TMEM163: variants seen among roughly 807,000 people sequenced by gnomAD.
TMEM163 encodes the protein transmembrane protein 163.
Under a neutral mutation model 29.3 loss-of-function variants are expected in TMEM163, and 17 were observed. The ratio of observed to expected loss-of-function variants is 0.58; its 90% confidence interval spans 0.40 to 0.87. The LOEUF is 0.87. Among genes scored for constraint, TMEM163 ranks in the 40% least tolerant of loss-of-function variants. The pLI is 0.00. For synonymous variants in TMEM163, 157 were observed against 160.6 expected (o/e 0.98, Z 0.17); for missense variants, 303 against 381.5 (o/e 0.79, Z 1.71).
chr2:134,546,799 C>A (rs1340515299), intron 4 of TMEM163, among the ~76,000 whole-genome samples: 1 of 151,984 alleles, frequency 6.6e-6, no homozygotes, highest in Non-Finnish European at 1.5e-5. Context: ...GGCAACAGAG[C>A]AAGGCTCCAT....
intron 2 of TMEM163, among the ~76,000 whole-genome samples, chr2:134,679,613 G>A (rs1684187117): frequency 6.6e-6 from 1 of 152,192 alleles, no homozygotes; most frequent in Admixed American, 6.5e-5. Flanking sequence ...GCATTCAGGA[G>A]CTTCCCAGGA....
chr2:134,475,497 G>C (rs1686893526), intron 5 of TMEM163, among the ~76,000 whole-genome samples: 1 of 152,070 alleles, frequency 6.6e-6, no homozygotes, highest in Middle Eastern at 3.4e-3. Context: ...TGATTAATTA[G>C]ACTTTATCAA....
chr2:134,637,195 C>T (rs1683123273), intron 2 of TMEM163, among the ~76,000 whole-genome samples: 1 of 116,400 alleles, frequency 8.6e-6, no homozygotes, highest in Non-Finnish European at 2.1e-5. Context: ...AATTCCCCAC[C>T]AGGGCCACTG....
intron 5 of TMEM163, among the ~76,000 whole-genome samples, chr2:134,473,042 T>C (rs904879163): frequency 3.3e-5 from 5 of 152,034 alleles, no homozygotes; most frequent in South Asian, 2.1e-4. Flanking sequence ...TGAAATAAAG[T>C]AGAACAACAG....
At chr2:134,619,885 T>C (rs535290165) in intron 2 of TMEM163, among the ~76,000 whole-genome samples, 3 of 152,248 alleles carry the variant, frequency 2.0e-5, no homozygotes, top group South Asian at 4.1e-4. Context: ...TGTATTTCTA[T>C]ATACCAGCAA....
At chr2:134,660,449 C>T (rs537726159) in intron 2 of TMEM163, among the ~76,000 whole-genome samples, 15 of 152,248 alleles carry the variant, frequency 9.9e-5, no homozygotes, top group Middle Eastern at 3.4e-3. Flanking sequence ...CACAAATGGA[C>T]TGGATACAGG....
At chr2:134,628,205 A>C (rs987835571) in intron 2 of TMEM163, among the ~76,000 whole-genome samples, 1 of 152,258 alleles carries the variant, frequency 6.6e-6, no homozygotes, top group African/African-American at 2.4e-5. Context: ...GAAGTTCACA[A>C]GACAAAATGT....
At chr2:134,499,274 T>C (rs17787557) in intron 5 of TMEM163, among the ~76,000 whole-genome samples, 20,227 of 152,280 alleles carry the variant, frequency 0.13, 1,682 homozygotes, top group Middle Eastern at 0.3. Flanking sequence ...TAAAACTATC[T>C]TTTCATGCTA....
chr2:134,674,486 GGCGCGCGCGCGC>G lies in TMEM163; in HGVS notation c.322+38702_322+38713del, dbSNP rs752979552. On this transcript the variant is annotated intron_variant, in intron 2 of 7. Transcript: ENST00000281924. ...AGCCTCCCAAGTAGCTGGGACTACA[GGCGCGCGCGCGC>G]GCGCGCGCGCGCTACCATATCTGGC... Among the ~76,000 whole-genome samples the G allele has an allele frequency of 2.3e-3, 213 of 91,602 alleles. 1 individual carries two copies. The highest frequency in any genetic ancestry group is 9.4e-3 in the African/African-American group (183 of 19,370). 60.1% of individuals were successfully genotyped at this position (91,602 alleles called of 152,430 possible).
At chr2:134,462,143 G>T (rs1199965617) in intron 6 of TMEM163, among the ~76,000 whole-genome samples, 1 of 142,162 alleles carries the variant, frequency 7.0e-6, no homozygotes, top group African/African-American at 3.0e-5. Context: ...GGGGGCGGGG[G>T]GCATTGCCTC....
intron 4 of TMEM163, among the ~76,000 whole-genome samples, chr2:134,511,404 T>G (rs2321985): frequency 6.6e-6 from 1 of 152,046 alleles, no homozygotes; most frequent in African/African-American, 2.4e-5. Context: ...GTTTTTCCAC[T>G]AAGGATGGCA....
At chr2:134,629,634 C>A (rs1168816622) in intron 2 of TMEM163, among the ~76,000 whole-genome samples, 1 of 152,194 alleles carries the variant, frequency 6.6e-6, no homozygotes, top group African/African-American at 2.4e-5. Context: ...ACTTCCCCCT[C>A]TCCAATCTCT....
intron 4 of TMEM163, among the ~76,000 whole-genome samples, chr2:134,520,925 A>G (rs1680176430): frequency 6.6e-6 from 1 of 151,914 alleles, no homozygotes; most frequent in South Asian, 2.1e-4. Context: ...ATAGTCTTGC[A>G]TTAGGGTCTG....
chr2:134,664,221 G>A (rs765229647), intron 2 of TMEM163, among the ~76,000 whole-genome samples: 2 of 152,214 alleles, frequency 1.3e-5, no homozygotes, highest in Non-Finnish European at 2.9e-5. Context: ...TAATGTCCAT[G>A]GCTTGGACTA....
intron 4 of TMEM163, among the ~76,000 whole-genome samples, chr2:134,540,467 C>G (rs993826915): frequency 9.2e-5 from 14 of 152,216 alleles, no homozygotes; most frequent in Admixed American, 7.2e-4. Flanking sequence ...TTTTGTGGAT[C>G]CCTAACCACT....
At chr2:134,487,677 A>G (rs1368659053) in intron 5 of TMEM163, among the ~76,000 whole-genome samples, 2 of 152,212 alleles carry the variant, frequency 1.3e-5, no homozygotes, top group African/African-American at 2.4e-5. Flanking sequence ...TGACTCTAGA[A>G]CAAAATGGAC....
chr2:134,603,705 G>A (rs1682286274), intron 2 of TMEM163, among the ~76,000 whole-genome samples: 1 of 151,964 alleles, frequency 6.6e-6, no homozygotes. Context: ...GAAGGCTATA[G>A]CCTCTAGCAC....
chr2:134,601,609 T>A (rs1262965903), intron 2 of TMEM163, among the ~76,000 whole-genome samples: 1 of 152,240 alleles, frequency 6.6e-6, no homozygotes, highest in Non-Finnish European at 1.5e-5. Context: ...TTCCAAGGTT[T>A]TCTGGTCTAA....
At chr2:134,699,393 A>G (rs1684648579) in intron 2 of TMEM163, among the ~76,000 whole-genome samples, 1 of 152,116 alleles carries the variant, frequency 6.6e-6, no homozygotes, top group South Asian at 2.1e-4. Context: ...AGTGCCAGCG[A>G]TTTGGGAGGC....
Sources: gnomAD v4.1 joint callset for allele counts (sites outside exome capture counted in the v4.1 genomes callset) on GRCh38, gnomAD v4.1.1 for gene constraint, MANE v1.5 for transcripts, NCBI Gene and HGNC (gene_info 2026-07-23, HGNC 2026-07-21) for gene names.